The following RXRA variants were observed in gnomAD, a reference collection of about 807,000 sequenced individuals.
RXRA encodes retinoic acid receptor RXR-alpha.
In RXRA, 5 loss-of-function variants were observed where a neutral mutation model predicts 44.5. That is an observed-to-expected ratio of 0.11 (90% CI 0.06 to 0.24). RXRA has a LOEUF of 0.24. Ranked by LOEUF, RXRA falls within the 10% of genes least tolerant of loss-of-function variation. The pLI is 1.00. For missense variants in RXRA, 412 were observed against 646.5 expected (o/e 0.64, Z 3.93); for synonymous variants, 291 against 271.4 (o/e 1.07, Z -0.71).
Position 134,436,903 on chromosome 9 carries a change from A to G in RXRA, c.*289A>G. On this transcript the variant is annotated 3_prime_UTR_variant, in exon 10 of 10. Transcript: ENST00000481739. ...CACCGGGCTCTCAGGACACCCTGCCACACCCCACGGGGCTTGGGCGACTAC... is the reference window on the plus strand; with the variant it reads ...CACCGGGCTCTCAGGACACCCTGCCGCACCCCACGGGGCTTGGGCGACTAC... The G allele has an allele frequency of 2.4e-6, 1 of 418,048 alleles. No homozygotes were observed. Among genetic ancestry groups the G allele is most frequent in the Non-Finnish European group, 4.3e-6 (1 of 230,532 alleles). The allele number at this position is 418,048 out of a possible 1,614,324, so 25.9% of individuals were successfully genotyped here.
chr9:134,400,444 A>G (rs1255069550), intron 1 of RXRA, among the ~76,000 whole-genome samples: 2 of 152,220 alleles, frequency 1.3e-5, no homozygotes, highest in African/African-American at 4.8e-5. Flanking sequence ...GGAGGGCCTG[A>G]GAGCCATTCT....
At chr9:134,391,765 T>C (rs1588282853) in intron 1 of RXRA, among the ~76,000 whole-genome samples, 2 of 152,276 alleles carry the variant, frequency 1.3e-5, no homozygotes, top group South Asian at 4.1e-4. Context: ...GCCACCCTGG[T>C]GGTCGAGGGG....
Position 134,334,590 on chromosome 9 carries a change from C to G in RXRA, c.28+7931C>G, listed in dbSNP as rs540553688. Among the ~76,000 whole-genome samples, 150 of 152,376 alleles carry G rather than the reference C, an allele frequency of 9.8e-4. 1 individual carries two copies. The highest frequency in any genetic ancestry group is 3.5e-3 in the African/African-American group (144 of 41,596). ...CAGCTCTCTACATGGTGGGGCTGCT[C>G]TCTGACCAGGCTGCTGTGTAGCCCT... On this transcript the variant is annotated intron_variant, in intron 1 of 9. Transcript: ENST00000481739.
At chr9:134,337,728 T>C (rs1830027973) in intron 1 of RXRA, among the ~76,000 whole-genome samples, 2 of 152,106 alleles carry the variant, frequency 1.3e-5, no homozygotes, top group African/African-American at 4.8e-5. Flanking sequence ...GTCTTCACTT[T>C]GCGTCGTCGA....
chr9:134,393,255 A>G (rs1265361482), intron 1 of RXRA, among the ~76,000 whole-genome samples: 2 of 152,180 alleles, frequency 1.3e-5, no homozygotes, highest in East Asian at 3.9e-4. Context: ...TGAAGGGGGC[A>G]TGACACAACC....
At chr9:134,435,529 G>C (rs943529007) in intron 9 of RXRA, among the ~76,000 whole-genome samples, 2 of 152,204 alleles carry the variant, frequency 1.3e-5, no homozygotes, top group Admixed American at 6.5e-5. Flanking sequence ...CTATTTCTGA[G>C]GAAGGGGTGG....
At chr9:134,423,094 C>G in intron 6 of RXRA, 2 of 985,476 alleles carry the variant, frequency 2.0e-6, no homozygotes, top group Non-Finnish European at 2.4e-6. Context: ...GGGGCAGGCC[C>G]CCCGCAAAGC....
chr9:134,402,120 A>G (rs11793246), intron 2 of RXRA: 457 of 544,798 alleles, frequency 8.4e-4, no homozygotes, highest in Non-Finnish European at 1.3e-3. Context: ...GCAGCTGGTT[A>G]TCTGCCCACG....
chr9:134,425,157 A>T (rs1430007072), intron 6 of RXRA: 7 of 985,248 alleles, frequency 7.1e-6, no homozygotes, highest in African/African-American at 1.7e-5. Flanking sequence ...CAGTGGCCAC[A>T]GCCCTGCAGG....
At chr9:134,432,650 C>T (rs1294040913) in intron 8 of RXRA, among the ~76,000 whole-genome samples, 1 of 152,274 alleles carries the variant, frequency 6.6e-6, no homozygotes, top group African/African-American at 2.4e-5. Flanking sequence ...GGGAGGGCCC[C>T]TTCAAGCTGC....
chr9:134,417,968 G>A lies in RXRA; in HGVS notation c.780+641G>A, dbSNP rs1405724752. ...CTCTTCTCCTGGGCTGGCTCCAGCTGGTCCTGGAGGTGTTGGATTCAAGAC... is the reference window on the plus strand; with the variant it reads ...CTCTTCTCCTGGGCTGGCTCCAGCTAGTCCTGGAGGTGTTGGATTCAAGAC... On this transcript the variant is annotated intron_variant, in intron 5 of 9. Transcript: ENST00000481739. The surrounding 1 kb of genome is among the most constrained non-coding windows in gnomAD (Gnocchi z 6.1). Among the ~76,000 whole-genome samples the A allele has an allele frequency of 6.6e-6, 1 of 152,106 alleles. No homozygotes were observed. The highest frequency in any genetic ancestry group is 2.4e-5 in the African/African-American group (1 of 41,406).
intron 1 of RXRA, among the ~76,000 whole-genome samples, chr9:134,344,131 C>T (rs141482495): frequency 3.4e-4 from 52 of 152,324 alleles, no homozygotes; most frequent in Middle Eastern, 3.4e-3. Context: ...GCGTTCCCTG[C>T]GCTTGAAGCT....
In RXRA at chr9:134,349,162, C is replaced by T; in HGVS notation, c.28+22503C>T. Among the ~76,000 whole-genome samples the T allele has an allele frequency of 6.6e-6, 1 of 152,172 alleles. No homozygotes were observed. The highest frequency in any genetic ancestry group is 1.5e-5 in the Non-Finnish European group (1 of 68,036). ...TGAACACTGCCCTGCCTCATGAGGG[C>T]CTGCACAGAGGGTCTTGCAGAAGAA... On this transcript the variant is annotated intron_variant, in intron 1 of 9. Transcript: ENST00000481739. The surrounding 1 kb of genome is among the most constrained non-coding windows in gnomAD (Gnocchi z 4.3).
At chr9:134,401,907 G>T in intron 2 of RXRA, 25 bp downstream of exon 2, 3 of 1,548,252 alleles carry the variant, frequency 1.9e-6, no homozygotes, top group East Asian at 2.3e-5. Flanking sequence ...GGGGCAAGGG[G>T]AGGGGGTGGG....
intron 1 of RXRA, among the ~76,000 whole-genome samples, chr9:134,376,528 C>T (rs1482180812): frequency 4.3e-5 from 1 of 23,402 alleles, no homozygotes; most frequent in Non-Finnish European, 1.1e-4. Flanking sequence ...GGGCTCATGA[C>T]TTGACAGCCT....
At position 134,426,997 on chromosome 9, in the gene RXRA, A is replaced by G. The variant is rs762269237; in HGVS notation, c.911-2111A>G. ...GGGAAAACCTGACGGGCTGAGCCGT[A>G]GGAGGGGCAGGAGTGGGAGTGGGCC... is the stretch of plus-strand genomic sequence containing the variant. On this transcript the variant is annotated intron_variant, in intron 6 of 9. Coordinates refer to ENST00000481739, the MANE Select transcript of RXRA (RefSeq NM_002957.6). The surrounding 1 kb of genome is among the most constrained non-coding windows in gnomAD (Gnocchi z 4.6). The G allele has an allele frequency of 1.6e-4, 157 of 985,016 alleles. No individual in the cohort carries two copies. The highest frequency in any genetic ancestry group is 1.8e-4 in the Non-Finnish European group (149 of 829,742). The allele number at this position is 985,016 out of a possible 1,614,324, so 61.0% of individuals were successfully genotyped here.
intron 1 of RXRA, among the ~76,000 whole-genome samples, chr9:134,360,543 G>T (rs1365199776): frequency 6.6e-6 from 1 of 152,274 alleles, no homozygotes; most frequent in African/African-American, 2.4e-5. Context: ...CGCCGTGCCA[G>T]CGCCCCTTCC....
At chr9:134,344,084 C>T (rs533037776) in intron 1 of RXRA, among the ~76,000 whole-genome samples, 2 of 152,218 alleles carry the variant, frequency 1.3e-5, no homozygotes, top group Non-Finnish European at 2.9e-5. Context: ...TGTGCCTGCT[C>T]TGCCCTTCTT....
At chr9:134,431,608 C>T (rs192883843) in intron 7 of RXRA, among the ~76,000 whole-genome samples, 3 of 152,198 alleles carry the variant, frequency 2.0e-5, no homozygotes, top group Non-Finnish European at 4.4e-5. Context: ...TTAGCTGTCA[C>T]GAGGCCCCTC....
Sources: allele counts gnomAD v4.1 joint callset (sites outside exome capture counted in the v4.1 genomes callset), GRCh38; gene constraint gnomAD v4.1.1; non-coding constraint Gnocchi (gnomAD v3.1); transcripts MANE v1.5; gene names NCBI Gene and HGNC (gene_info 2026-07-23, HGNC 2026-07-21).